The following ANO1 variants were observed in gnomAD, a reference collection of about 807,000 sequenced individuals.
ANO1 encodes the protein anoctamin 1, also known as anoctamin-1.
In ANO1, 59 loss-of-function variants were observed where a neutral mutation model predicts 124.0. That is an observed-to-expected ratio of 0.48 (90% confidence interval 0.39 to 0.59). The LOEUF (loss-of-function observed/expected upper bound fraction) is 0.59, where lower values mean the gene tolerates loss of function less well. ANO1 is among the 20% of genes least tolerant of loss of function. The pLI, the probability that ANO1 is intolerant of heterozygous loss-of-function variation, is 0.00. For missense variants in ANO1, 1,059 were observed against 1,328.0 expected, an observed-to-expected ratio of 0.80 and a Z score of 3.15; for synonymous variants, 529 against 532.0, an observed-to-expected ratio of 0.99 and a Z score of 0.08.
intron 1 of ANO1, among the ~76,000 whole-genome samples, chr11:70,000,098 T>C (rs7111795): frequency 0.49 from 74,370 of 152,070 alleles, 19,475 homozygotes; most frequent in East Asian, 0.89. Flanking sequence ...AAAACCTTTG[T>C]AACTGCAACC....
upstream of ANO1, among the ~76,000 whole-genome samples, chr11:70,075,854 G>A (rs1345832846): frequency 6.6e-6 from 1 of 152,206 alleles, no homozygotes; most frequent in Non-Finnish European, 1.5e-5. Context: ...GGAACAAAAA[G>A]GACCCTGTAA....
At chr11:70,105,630 C>T (rs2045495929) in intron 4 of ANO1, 104 bp from the exon 5 acceptor site, 12 of 1,077,674 alleles carry the variant, frequency 1.1e-5, no homozygotes, top group Admixed American at 5.4e-5. Context: ...GTCCATTTCA[C>T]GGTCACGGCT....
intron 1 of ANO1, among the ~76,000 whole-genome samples, chr11:70,010,179 G>GTGTATGTATATATATATATATA: frequency 2.4e-5 from 2 of 83,776 alleles, no homozygotes; most frequent in Non-Finnish European, 4.8e-5. Context: ...GTGTGTGTGT[G>GTGTATGTATATATATATATATA]TATATATATA....
Position 70,089,565 on chromosome 11 carries a change from C to T in ANO1, c.441+1481C>T, listed in dbSNP as rs1040291831. On this transcript the variant is annotated intron_variant, in intron 2 of 25. Coordinates refer to ENST00000355303, the MANE Select transcript of ANO1 (RefSeq NM_018043.7). ...TTCACCTTCCTGAGGTCTGGCCACCCGGCAGGAGATTGTGAGTTCGGCCAC... is the reference window on the plus strand; with the variant it reads ...TTCACCTTCCTGAGGTCTGGCCACCTGGCAGGAGATTGTGAGTTCGGCCAC... Among the ~76,000 whole-genome samples the T allele has an allele frequency of 3.9e-5, 6 of 152,248 alleles. No individual in the cohort carries two copies. The East Asian group carries it at 5.8e-4, about 15-fold the overall frequency.
intron 5 of ANO1, among the ~76,000 whole-genome samples, chr11:70,106,539 C>T (rs2045556447): frequency 6.6e-6 from 1 of 152,126 alleles, no homozygotes; most frequent in South Asian, 2.1e-4. Context: ...AGCAGGAGGT[C>T]GGTGCAGGTC....
chr11:70,085,761 C>T (rs2044349346), intron 1 of ANO1: 3 of 1,385,436 alleles, frequency 2.2e-6, no homozygotes, highest in Admixed American at 2.9e-5. Context: ...CGAGGCCTTC[C>T]CTCCCCCTCT....
chr11:70,088,054 G>A lies in ANO1; in HGVS notation c.411G>A (p.Glu137=). 1 of 1,433,020 alleles carries A rather than the reference G, an allele frequency of 7.0e-7. No homozygotes were observed. Among genetic ancestry groups the A allele is most frequent in the Non-Finnish European group, 9.2e-7 (1 of 1,089,800 alleles). 88.8% of individuals were successfully genotyped at this position (1,433,020 alleles called of 1,614,324 possible). A position where few individuals can be genotyped will look rare whatever the true frequency, so the allele number is the denominator to read the frequency against. Residue 137 remains glutamate, a synonymous_variant, in exon 2 of 26, where the codon GAG becomes GAA. Coordinates refer to ENST00000355303, the MANE Select transcript of ANO1 (RefSeq NM_018043.7). ...AGGAGTACGAGGGCAACCTCCTGGAGGCGGGCCTGGAGCTGGAGCGGGACG... is the reference window on the plus strand; with the variant it reads ...AGGAGTACGAGGGCAACCTCCTGGAAGCGGGCCTGGAGCTGGAGCGGGACG... ...RREEYEGNLL[E]AGLELERDED...
At chr11:70,141,968 G>C (rs898253853) in intron 11 of ANO1, among the ~76,000 whole-genome samples, 5 of 152,074 alleles carry the variant, frequency 3.3e-5, no homozygotes, top group Admixed American at 6.6e-5. Flanking sequence ...ATCACCTCCA[G>C]CCTGCTGTTT....
At chr11:70,070,400 A>G (rs781829225) in intron 1 of ANO1, among the ~76,000 whole-genome samples, 2 of 152,180 alleles carry the variant, frequency 1.3e-5, no homozygotes, top group Non-Finnish European at 2.9e-5. Context: ...GAATGAGTGA[A>G]TGAGGCTGGG....
chr11:70,159,977 G>A (rs1462964566), intron 16 of ANO1, among the ~76,000 whole-genome samples: 3 of 152,126 alleles, frequency 2.0e-5, no homozygotes, highest in Non-Finnish European at 4.4e-5. Flanking sequence ...GCAGAAGCCG[G>A]TGGTAACGGC....
chr11:70,057,333 C>T (rs782768769), intron 1 of ANO1, among the ~76,000 whole-genome samples: 7 of 152,080 alleles, frequency 4.6e-5, no homozygotes, highest in East Asian at 1.9e-4. Context: ...TGAGATTAGC[C>T]TTAAGGACTT....
the ANO1 span, among the ~76,000 whole-genome samples, chr11:69,971,567 C>T: frequency 6.6e-6 from 1 of 152,018 alleles, no homozygotes; most frequent in Non-Finnish European, 1.5e-5. Flanking sequence ...TACTCCTCCT[C>T]CTCCTCCCTT....
chr11:70,187,731 C>T lies in ANO1; in HGVS notation c.2695-7C>T. Reference sequence around the variant, plus strand: ...TCCCTTCTGCCACGCGTTGCCTCTCCTTCCAGAACCTGGTCATGTTCATGA... The same window carrying T: ...TCCCTTCTGCCACGCGTTGCCTCTCTTTCCAGAACCTGGTCATGTTCATGA... On this transcript the variant is annotated splice_polypyrimidine_tract_variant and splice_region_variant and intron_variant, in intron 25 of 25. Transcript: ENST00000355303. The T allele has an allele frequency of 1.2e-6, 2 of 1,603,506 alleles. No individual in the cohort carries two copies. The highest frequency in any genetic ancestry group is 1.7e-6 in the Non-Finnish European group (2 of 1,174,750).
chr11:70,065,432 T>C (rs1490894056), intron 1 of ANO1: 1 of 152,378 alleles, frequency 6.6e-6, no homozygotes, highest in Non-Finnish European at 1.5e-5. Flanking sequence ...CCCGGGATCA[T>C]TGTGACCTCA....
At chr11:70,036,782 T>C (rs1857101470) in intron 1 of ANO1, among the ~76,000 whole-genome samples, 1 of 152,192 alleles carries the variant, frequency 6.6e-6, no homozygotes, top group South Asian at 2.1e-4. Context: ...TAATTTTTTG[T>C]ATTTTTAGTA....
intron 1 of ANO1, among the ~76,000 whole-genome samples, chr11:70,061,322 A>G (rs537424671): frequency 1.3e-5 from 2 of 152,136 alleles, no homozygotes; most frequent in Non-Finnish European, 2.9e-5. Context: ...GCGAAAAGAA[A>G]GCAGATCATG....
rs571032856 is a variant in ANO1, at chr11:70,012,717, T to TTCCA, written c.58+26569_58+26572dup. On this transcript the variant is annotated intron_variant, in intron 1 of 27. Coordinates refer to the ANO1 transcript ENST00000531349. ...CATCCATCCATCCATCCATCCATTA[T>TTCCA]TCCATCCATCCATCCATCCATTCTT... is the stretch of plus-strand genomic sequence containing the variant. 1.1e-3 allele frequency among the ~76,000 whole-genome samples: 170 copies of TTCCA among 150,314 alleles called. 4 individuals are homozygous for TTCCA. In the East Asian group the frequency reaches 0.018, roughly 16 times the overall value.
chr11:70,116,001 T>A (rs192665485), intron 7 of ANO1, among the ~76,000 whole-genome samples: 1 of 152,318 alleles, frequency 6.6e-6, no homozygotes, highest in African/African-American at 2.4e-5. Context: ...ACTCACTGAT[T>A]AGATGACAAT....
intron 1 of ANO1, among the ~76,000 whole-genome samples, chr11:70,040,728 G>A (rs782418687): frequency 5.9e-5 from 9 of 152,156 alleles, no homozygotes; most frequent in Non-Finnish European, 1.2e-4. Flanking sequence ...GAGCCCGGTC[G>A]AAGGACACTG....
Sources: allele counts gnomAD v4.1 joint callset (sites outside exome capture counted in the v4.1 genomes callset), GRCh38; gene constraint gnomAD v4.1.1; transcripts MANE v1.5; gene names NCBI Gene and HGNC (gene_info 2026-07-23, HGNC 2026-07-21).